Variants in CGNL1 observed in about 807,000 individuals in gnomAD.
CGNL1 encodes cingulin like 1, also known as cingulin-like protein 1.
A neutral mutation model predicts 141.2 loss-of-function variants in CGNL1; 132 were observed. The ratio of observed to expected loss-of-function variants is 0.93; its 90% CI spans 0.81 to 1.08. The LOEUF is 1.08. Ranked by LOEUF, CGNL1 falls within the 50% of genes least tolerant of loss-of-function variation. CGNL1 has a pLI of 0.00. For synonymous variants in CGNL1, 690 were observed against 622.1 expected (o/e 1.11, Z -1.63); for missense variants, 1,870 against 1,588.6 (o/e 1.18, Z -3.01).
chr15:57,449,045 G>A (rs2063290814), intron 4 of CGNL1, among the ~76,000 whole-genome samples: 1 of 152,010 alleles, frequency 6.6e-6, no homozygotes. Context: ...TTCCTTTCTT[G>A]GATTTCAAAT....
At chr15:57,422,099 A>G (rs1229129232) in intron 1 of CGNL1, among the ~76,000 whole-genome samples, 1 of 74,054 alleles carries the variant, frequency 1.4e-5, no homozygotes, top group Non-Finnish European at 2.5e-5. Context: ...TGTCATTTAT[A>G]TGGGTGATTA....
Position 57,468,574 on chromosome 15 carries a change from G to GT in CGNL1, c.2403+6683dup, listed in dbSNP as rs1491024105. ...AAAAAGTTTGCGTGTGTGTGTGTGT[G>GT]TGTGTGTGTGTGTGTGTTAAAGAAT... On this transcript the variant is annotated intron_variant, in intron 8 of 18. Transcript: ENST00000281282. Among the ~76,000 whole-genome samples the GT allele has an allele frequency of 4.9e-5, 6 of 121,532 alleles. No homozygotes were observed. The Admixed American group carries it at 4.9e-4, about 10-fold the overall frequency. The allele number at this position is 121,532 out of a possible 152,430, so 79.7% of individuals were successfully genotyped here. A position where few individuals can be genotyped will look rare whatever the true frequency, so the allele number is the denominator to read the frequency against.
intron 1 of CGNL1, among the ~76,000 whole-genome samples, chr15:57,388,000 T>C (rs1157804466): frequency 6.6e-6 from 1 of 152,162 alleles, no homozygotes; most frequent in Non-Finnish European, 1.5e-5. Flanking sequence ...CACATAGATA[T>C]GTAAAACCAG....
chr15:57,385,881 G>T (rs1003720070), intron 1 of CGNL1, among the ~76,000 whole-genome samples: 2 of 152,184 alleles, frequency 1.3e-5, no homozygotes, highest in Non-Finnish European at 2.9e-5. Flanking sequence ...GTCCCCCACG[G>T]GAATTATCTG....
At chr15:57,448,849 C>G (rs1469718836) in intron 4 of CGNL1, among the ~76,000 whole-genome samples, 1 of 151,584 alleles carries the variant, frequency 6.6e-6, no homozygotes, top group Non-Finnish European at 1.5e-5. Flanking sequence ...GTATGCTAGA[C>G]CGAGTGGGTG....
At chr15:57,538,186 C>T (rs1269508295) in intron 14 of CGNL1, among the ~76,000 whole-genome samples, 1 of 152,246 alleles carries the variant, frequency 6.6e-6, no homozygotes, top group African/African-American at 2.4e-5. Context: ...GGGCATTGTC[C>T]ATAATACCAC....
chr15:57,456,405 A>G (rs1445046521), intron 7 of CGNL1, among the ~76,000 whole-genome samples: 1 of 152,192 alleles, frequency 6.6e-6, no homozygotes, highest in Non-Finnish European at 1.5e-5. Context: ...GTATGCAGTC[A>G]GTAAAGTAAC....
intron 1 of CGNL1, among the ~76,000 whole-genome samples, chr15:57,426,515 T>C (rs1567109404): frequency 6.6e-6 from 1 of 151,186 alleles, no homozygotes; most frequent in Non-Finnish European, 1.5e-5. Context: ...AGTGCAATCA[T>C]GGCTCACTGC....
chr15:57,456,758 A>G (rs1030246794), intron 7 of CGNL1, among the ~76,000 whole-genome samples: 2 of 152,104 alleles, frequency 1.3e-5, no homozygotes, highest in Admixed American at 6.6e-5. Context: ...AAGTGCCACG[A>G]TGGTGGGGTT....
At chr15:57,404,527 G>C (rs568949695) in intron 1 of CGNL1, among the ~76,000 whole-genome samples, 1 of 152,306 alleles carries the variant, frequency 6.6e-6, no homozygotes, top group African/African-American at 2.4e-5. Context: ...TTTTTGCAAA[G>C]GGTGCATTTT....
At chr15:57,388,862 G>A (rs1317564331) in intron 1 of CGNL1, among the ~76,000 whole-genome samples, 1 of 152,220 alleles carries the variant, frequency 6.6e-6, no homozygotes, top group African/African-American at 2.4e-5. Context: ...GCTATTAGAT[G>A]TGGGAGTCTC....
At chr15:57,435,173 TAAG>T (rs1178980917) in intron 1 of CGNL1, among the ~76,000 whole-genome samples, 1 of 152,152 alleles carries the variant, frequency 6.6e-6, no homozygotes, top group Non-Finnish European at 1.5e-5. Context: ...AAAAATTTTA[TAAG>T]AAAAGTTCTG....
intron 14 of CGNL1, among the ~76,000 whole-genome samples, chr15:57,532,079 T>A (rs2140180512): frequency 6.6e-6 from 1 of 152,324 alleles, no homozygotes; most frequent in South Asian, 2.1e-4. Context: ...CCAATGCTAG[T>A]CAAGAAAGAG....
chr15:57,438,035 G>A lies in CGNL1; in HGVS notation c.36G>A (p.Gln12=). 7 of 1,613,558 alleles carry A rather than the reference G, an allele frequency of 4.3e-6. No individual in the cohort carries two copies. The highest frequency in any genetic ancestry group is 5.9e-6 in the Non-Finnish European group (7 of 1,179,972). The change falls in exon 2 of 19, where the codon CAG becomes CAA. Residue 12 remains glutamine (Q), a synonymous_variant. Transcript: ENST00000281282. The part of the protein sequence containing the change: ...ELYFGEYQHV[Q]QEYGVHLRLA... ...ATTTCGGTGAATATCAACATGTGCA[G>A]CAGGAATATGGGGTCCATCTGAGAC...
chr15:57,509,947 T>G (rs2030105140), intron 8 of CGNL1, among the ~76,000 whole-genome samples: 1 of 152,234 alleles, frequency 6.6e-6, no homozygotes, highest in Non-Finnish European at 1.5e-5. Flanking sequence ...GGGCTAAGAT[T>G]TTAATAAATT....
At chr15:57,537,170 C>T (rs1362624507) in intron 14 of CGNL1, among the ~76,000 whole-genome samples, 1 of 152,160 alleles carries the variant, frequency 6.6e-6, no homozygotes, top group Non-Finnish European at 1.5e-5. Flanking sequence ...TGACCCAGCC[C>T]AGTGGAGAGA....
At chr15:57,508,760 G>C (rs570189984) in intron 8 of CGNL1, among the ~76,000 whole-genome samples, 1 of 152,332 alleles carries the variant, frequency 6.6e-6, no homozygotes, top group Admixed American at 6.5e-5. Context: ...CTCACTACTC[G>C]AAGGGGTATC....
intron 15 of CGNL1, 61 bp from the exon 16 acceptor site, chr15:57,544,412 G>C (rs553477159): frequency 5.0e-6 from 8 of 1,592,166 alleles, no homozygotes; most frequent in Admixed American, 1.7e-5. Flanking sequence ...CATATTCTTC[G>C]CTGCTCTGCA....
At chr15:57,409,192 G>C (rs1450689270) in intron 1 of CGNL1, among the ~76,000 whole-genome samples, 1 of 152,196 alleles carries the variant, frequency 6.6e-6, no homozygotes, top group Non-Finnish European at 1.5e-5. Flanking sequence ...GTCCAGGGGA[G>C]AGTTGGCAAG....
Sources: allele counts gnomAD v4.1 joint callset (sites outside exome capture counted in the v4.1 genomes callset), GRCh38; gene constraint gnomAD v4.1.1; transcripts MANE v1.5; gene names NCBI Gene and HGNC (gene_info 2026-07-23, HGNC 2026-07-21).